The following TENM1 variants were observed in gnomAD, a reference collection of about 807,000 sequenced individuals.
TENM1 encodes teneurin-1.
A neutral mutation model predicts 174.8 loss-of-function variants in TENM1; 35 were observed. The observed-to-expected ratio is 0.20, with a 90% CI of 0.15 to 0.27. The LOEUF is 0.27. TENM1 is among the 10% of genes least tolerant of loss of function. TENM1 has a pLI of 1.00. For synonymous variants in TENM1, 781 were observed against 798.7 expected, an observed-to-expected ratio of 0.98 and a Z score of 0.37; for missense variants, 1,633 against 2,130.1, an observed-to-expected ratio of 0.77 and a Z score of 4.59.
At chrX:125,089,046 G>T in the TENM1 span, among the ~76,000 whole-genome samples, 2 of 111,130 alleles carry the variant, frequency 1.8e-5, no homozygotes, top group Non-Finnish European at 3.8e-5. Context: ...ATGCCAAAAA[G>T]AGGGATCATA....
At chrX:125,037,703 T>A in the TENM1 span, among the ~76,000 whole-genome samples, 1 of 111,812 alleles carries the variant, frequency 8.9e-6, no homozygotes, top group Non-Finnish European at 1.9e-5. Context: ...CTCCCTGGCA[T>A]ATTTGTTCTT....
chrX:124,851,958 C>A (rs889886918), intron 3 of TENM1, among the ~76,000 whole-genome samples: 1 of 110,676 alleles, frequency 9.0e-6, no homozygotes, highest in Non-Finnish European at 1.9e-5. Flanking sequence ...ACCAAGGTGA[C>A]TTACCTTGTG....
intron 21 of TENM1, among the ~76,000 whole-genome samples, chrX:124,485,320 T>G (rs2046930387): frequency 9.0e-6 from 1 of 111,103 alleles, no homozygotes; most frequent in Non-Finnish European, 1.9e-5. Context: ...AAATAAACTA[T>G]GAAGGGCCCC....
chrX:124,571,455 A>T (rs2049052363), intron 11 of TENM1, among the ~76,000 whole-genome samples: 1 of 111,639 alleles, frequency 9.0e-6, no homozygotes, highest in Non-Finnish European at 1.9e-5. Flanking sequence ...ACTACATATA[A>T]GTAGATGAAG....
chrX:124,755,390 G>A (rs2054204857), intron 3 of TENM1, among the ~76,000 whole-genome samples: 1 of 111,271 alleles, frequency 9.0e-6, no homozygotes, highest in African/African-American at 3.3e-5. Context: ...GTCTCTGCCT[G>A]TGAGATGGGT....
At chrX:124,795,533 G>A (rs1377405353) in intron 3 of TENM1, among the ~76,000 whole-genome samples, 2 of 111,682 alleles carry the variant, frequency 1.8e-5, no homozygotes, top group African/African-American at 6.5e-5. Flanking sequence ...TGGTAAATAT[G>A]ATGGTAAGTG....
intron 8 of TENM1, among the ~76,000 whole-genome samples, chrX:124,649,417 C>A (rs1232384612): frequency 8.9e-6 from 1 of 112,585 alleles, no homozygotes; most frequent in Non-Finnish European, 1.9e-5. Flanking sequence ...TTGCCACTTG[C>A]TGTCTGTGAG....
At chrX:124,773,026 A>T (rs1316734448) in intron 3 of TENM1, among the ~76,000 whole-genome samples, 1 of 112,036 alleles carries the variant, frequency 8.9e-6, no homozygotes, top group Non-Finnish European at 1.9e-5. Context: ...GATGATCGAA[A>T]ACATAACATT....
At chrX:125,042,802 T>G in the TENM1 span, among the ~76,000 whole-genome samples, 776 of 111,632 alleles carry the variant, frequency 7.0e-3, 8 homozygotes, top group African/African-American at 0.024. Flanking sequence ...AGGCAAGGCA[T>G]AGACAGTATC....
chrX:124,552,068 T>A (rs1320327280), intron 14 of TENM1, among the ~76,000 whole-genome samples: 2 of 112,091 alleles, frequency 1.8e-5, no homozygotes, highest in Non-Finnish European at 3.8e-5. Context: ...CTACAGAAAC[T>A]TTTCATTCAT....
At chrX:125,115,144 T>C in the TENM1 span, among the ~76,000 whole-genome samples, 1 of 111,588 alleles carries the variant, frequency 9.0e-6, no homozygotes, top group East Asian at 2.8e-4. Flanking sequence ...GAAAACCACA[T>C]GATTATCTCA....
chrX:124,808,559 C>A (rs1251786124), intron 3 of TENM1, among the ~76,000 whole-genome samples: 1 of 111,971 alleles, frequency 8.9e-6, no homozygotes, highest in African/African-American at 3.2e-5. Flanking sequence ...GGAACATTCT[C>A]CTGGATAGAT....
chrX:124,385,927 G>A, exon 29 of TENM1: 1 of 1,207,556 alleles, frequency 8.3e-7, no homozygotes, highest in Non-Finnish European at 1.1e-6. Context: ...GGGTGTAGAT[G>A]TTCCGGTAGT....
intron 4 of TENM1, among the ~76,000 whole-genome samples, chrX:124,710,776 T>C (rs1825227907): frequency 8.9e-6 from 1 of 112,332 alleles, no homozygotes; most frequent in South Asian, 3.7e-4. Flanking sequence ...AGATTAAGAT[T>C]CTATGCTGAA....
At chrX:124,567,205 A>G (rs1233174588) in intron 11 of TENM1, among the ~76,000 whole-genome samples, 2 of 111,921 alleles carry the variant, frequency 1.8e-5, no homozygotes, top group African/African-American at 6.5e-5. Context: ...TATGATTCTG[A>G]CAGGCCAGGA....
At chrX:124,951,673 T>TATATATATATATATATATATAA (rs767583231) in intron 1 of TENM1, among the ~76,000 whole-genome samples, 59 of 66,080 alleles carry the variant, frequency 8.9e-4, no homozygotes, top group African/African-American at 2.2e-3. Context: ...TATATATATA[T>TATATATATATATATATATATAA]AACAATCAAT....
intron 16 of TENM1, among the ~76,000 whole-genome samples, chrX:124,525,157 T>C (rs2047945664): frequency 8.9e-6 from 1 of 112,390 alleles, no homozygotes; most frequent in South Asian, 3.7e-4. Flanking sequence ...TAAAGATAAA[T>C]GAACAGTAAC....
chrX:124,553,084 G>A (rs2148136385), intron 14 of TENM1, among the ~76,000 whole-genome samples: 1 of 111,184 alleles, frequency 9.0e-6, no homozygotes, highest in East Asian at 2.8e-4. Flanking sequence ...ATGAAAGATG[G>A]GGTATCTATC....
At chrX:124,453,831 T>TATTAC (rs2061071592) in intron 22 of TENM1, among the ~76,000 whole-genome samples, 1 of 111,544 alleles carries the variant, frequency 9.0e-6, no homozygotes, top group African/African-American at 3.3e-5. Context: ...AGATCATGTA[T>TATTAC]ATTACATTTT....
Sources: allele counts gnomAD v4.1 joint callset (sites outside exome capture counted in the v4.1 genomes callset), GRCh38; gene constraint gnomAD v4.1.1; transcripts MANE v1.5; gene names NCBI Gene and HGNC (gene_info 2026-07-23, HGNC 2026-07-21).